The following SHISA6 variants were observed in gnomAD, a reference collection of about 807,000 sequenced individuals.
SHISA6 encodes shisa family member 6, also known as protein shisa-6.
In SHISA6, 22 loss-of-function variants were observed where a neutral mutation model predicts 47.9. That is an observed-to-expected ratio of 0.46 (90% CI 0.33 to 0.66). The LOEUF is 0.66. SHISA6 is among the 30% of genes least tolerant of loss of function. The pLI is 0.02. For missense variants in SHISA6, 680 were observed against 764.6 expected, an observed-to-expected ratio of 0.89 and a Z score of 1.30; for synonymous variants, 388 against 337.8, an observed-to-expected ratio of 1.15 and a Z score of -1.63.
At chr17:11,260,139 T>C (rs1597426501) in intron 1 of SHISA6, among the ~76,000 whole-genome samples, 1 of 152,184 alleles carries the variant, frequency 6.6e-6, no homozygotes, top group Non-Finnish European at 1.5e-5. Flanking sequence ...TTTCCTGGCC[T>C]GATCACAATG....
intron 3 of SHISA6, among the ~76,000 whole-genome samples, chr17:11,417,084 T>TGAC (rs1363384078): frequency 6.6e-6 from 1 of 151,788 alleles, no homozygotes; most frequent in Admixed American, 6.6e-5. Context: ...ACTGGCAAGC[T>TGAC]GACAACAACA....
At position 11,555,725 on chromosome 17, in the gene SHISA6, T is replaced by G; in HGVS notation, c.953-15T>G. On this transcript the variant is annotated splice_polypyrimidine_tract_variant and intron_variant, in intron 4 of 5. Transcript: ENST00000441885. ...GGTCCTCATTAATACAAAACACCCC[T>G]CCCTTTTCTTGCAGAGAAGCCACGG... is the stretch of plus-strand genomic sequence containing the variant. The G allele has an allele frequency of 6.6e-7, 1 of 1,521,800 alleles. No homozygotes were observed. Among genetic ancestry groups the G allele is most frequent in the Non-Finnish European group, 8.8e-7 (1 of 1,133,702 alleles). 94.3% of individuals were successfully genotyped at this position (1,521,800 alleles called of 1,614,324 possible). A position where few individuals can be genotyped will look rare whatever the true frequency, so the allele number is the denominator to read the frequency against.
intron 2 of SHISA6, among the ~76,000 whole-genome samples, chr17:11,277,982 TC>T (rs1339492792): frequency 6.6e-6 from 1 of 152,204 alleles, no homozygotes; most frequent in Non-Finnish European, 1.5e-5. Flanking sequence ...ATATGGGAGT[TC>T]TTTGACTAGA....
At chr17:11,387,211 A>G (rs910219971) in intron 3 of SHISA6, among the ~76,000 whole-genome samples, 2 of 152,138 alleles carry the variant, frequency 1.3e-5, no homozygotes, top group African/African-American at 2.4e-5. Flanking sequence ...TCGTCATCCC[A>G]TCCAAATAAT....
chr17:11,323,185 C>T (rs907018308), intron 2 of SHISA6, among the ~76,000 whole-genome samples: 5 of 152,156 alleles, frequency 3.3e-5, no homozygotes, highest in East Asian at 3.9e-4. Context: ...AATCTCAAAC[C>T]GTTCTAATTT....
chr17:11,517,804 C>T (rs1458943460), intron 3 of SHISA6, among the ~76,000 whole-genome samples: 1 of 152,048 alleles, frequency 6.6e-6, no homozygotes, highest in African/African-American at 2.4e-5. Flanking sequence ...CACACTTGGC[C>T]CCAAGTTTTT....
At chr17:11,256,882 G>C (rs1295710128) in intron 1 of SHISA6, among the ~76,000 whole-genome samples, 1 of 152,206 alleles carries the variant, frequency 6.6e-6, no homozygotes, top group Non-Finnish European at 1.5e-5. Flanking sequence ...CTGGCTCCCG[G>C]CTGGCCTAGT....
chr17:11,429,354 A>G (rs1442481677), intron 3 of SHISA6, among the ~76,000 whole-genome samples: 1 of 152,164 alleles, frequency 6.6e-6, no homozygotes, highest in Non-Finnish European at 1.5e-5. Flanking sequence ...TGCAAGTCAC[A>G]AGGTACATTC....
intron 3 of SHISA6, among the ~76,000 whole-genome samples, chr17:11,439,523 A>G (rs1915043480): frequency 6.6e-6 from 1 of 152,224 alleles, no homozygotes; most frequent in Non-Finnish European, 1.5e-5. Context: ...CGTGGAGTCC[A>G]GCATTTCCAA....
At chr17:11,257,794 T>G (rs1235192110) in intron 1 of SHISA6, among the ~76,000 whole-genome samples, 1 of 152,208 alleles carries the variant, frequency 6.6e-6, no homozygotes, top group East Asian at 1.9e-4. Context: ...AGTATCTACA[T>G]TCTGCTTTCA....
chr17:11,277,280 T>TCTCTCTCTCACACACACACACACACA (rs1386997909), intron 2 of SHISA6, among the ~76,000 whole-genome samples: 10 of 53,924 alleles, frequency 1.9e-4, no homozygotes, highest in Non-Finnish European at 3.0e-4. Context: ...TCTCTCTCTC[T>TCTCTCTCTCACACACACACACACACA]CACACACACA....
rs568047275 is a variant in SHISA6, at chr17:11,475,398, G to A, written c.896-76498G>A. ...AATTTTAAGTTTCTTATCATTGAAT[G>A]TGATGTTAGCTATAGGTTTTTTGAA... On this transcript the variant is annotated intron_variant, in intron 3 of 5. Transcript: ENST00000441885. 3.9e-5 allele frequency among the ~76,000 whole-genome samples: 6 copies of A among 152,220 alleles called. No homozygotes were observed. In the South Asian group the frequency reaches 1.2e-3, roughly 32 times the overall value.
At chr17:11,443,874 G>A (rs1422537446) in intron 3 of SHISA6, among the ~76,000 whole-genome samples, 1 of 152,064 alleles carries the variant, frequency 6.6e-6, no homozygotes, top group Admixed American at 6.6e-5. Flanking sequence ...GAAAATGAAT[G>A]TGTAAAAATA....
chr17:11,264,967 G>C (rs1023037784), intron 2 of SHISA6, among the ~76,000 whole-genome samples: 1 of 152,164 alleles, frequency 6.6e-6, no homozygotes. Flanking sequence ...AAAAACCTCT[G>C]CTGTAAAGGT....
chr17:11,272,120 G>T (rs918470937), intron 2 of SHISA6, among the ~76,000 whole-genome samples: 2 of 152,018 alleles, frequency 1.3e-5, no homozygotes, highest in Admixed American at 6.6e-5. Context: ...GTTTTGGGGG[G>T]TTCTGGGAAC....
At chr17:11,537,314 C>T (rs2071795932) in intron 3 of SHISA6, among the ~76,000 whole-genome samples, 1 of 152,002 alleles carries the variant, frequency 6.6e-6, no homozygotes, top group Non-Finnish European at 1.5e-5. Context: ...GAATCAGTGA[C>T]CTCATAATGT....
chr17:11,455,521 A>T (rs1567610419), intron 3 of SHISA6, among the ~76,000 whole-genome samples: 1 of 150,818 alleles, frequency 6.6e-6, no homozygotes, highest in Non-Finnish European at 1.5e-5. Context: ...GTGTGTGTAC[A>T]AGCGTGGAAG....
At chr17:11,262,860 T>G (rs1908283672) in intron 1 of SHISA6, among the ~76,000 whole-genome samples, 1 of 152,234 alleles carries the variant, frequency 6.6e-6, no homozygotes, top group Non-Finnish European at 1.5e-5. Flanking sequence ...TCTTTGCAGC[T>G]CAATCACACC....
chr17:11,319,715 G>T (rs1415467610), intron 2 of SHISA6, among the ~76,000 whole-genome samples: 3 of 152,140 alleles, frequency 2.0e-5, no homozygotes, highest in Non-Finnish European at 4.4e-5. Context: ...CCTCTTTGAG[G>T]ATATAAACAC....
Sources: allele counts gnomAD v4.1 joint callset (sites outside exome capture counted in the v4.1 genomes callset), GRCh38; gene constraint gnomAD v4.1.1; transcripts MANE v1.5; gene names NCBI Gene and HGNC (gene_info 2026-07-23, HGNC 2026-07-21).